HRH1: variants seen among roughly 807,000 people sequenced by gnomAD.
The protein encoded by HRH1 is histamine receptor H1.
A neutral mutation model predicts 10.3 loss-of-function variants in HRH1; 6 were observed. The ratio of observed to expected loss-of-function variants is 0.58; its 90% confidence interval spans 0.32 to 1.15. The LOEUF (loss-of-function observed/expected upper bound fraction) is 1.15. Ranked by LOEUF, HRH1 falls within the 50% of genes most tolerant of loss-of-function variation. HRH1 has a pLI of 0.05. For missense variants in HRH1, 514 were observed against 615.3 expected (o/e 0.84, Z 1.74); for synonymous variants, 242 against 236.7 (o/e 1.02, Z -0.21).
chr3:11,138,857 T>A (rs1270320551), intron 1 of HRH1, among the ~76,000 whole-genome samples: 2 of 151,946 alleles, frequency 1.3e-5, no homozygotes, highest in Non-Finnish European at 2.9e-5. Context: ...TCATTTTTTA[T>A]AGAGACAGGG....
chr3:11,205,498 C>A (rs1272669104), intron 1 of HRH1, among the ~76,000 whole-genome samples: 2 of 152,094 alleles, frequency 1.3e-5, no homozygotes, highest in East Asian at 3.9e-4. Flanking sequence ...ACTGGGATAA[C>A]AACATCAACT....
In HRH1 at chr3:11,259,054, C is replaced by T. The variant is rs1939860615; in HGVS notation, c.17C>T (p.Ser6Phe). ...CTTGCGCCAATGAGCCTCCCCAATT[C>T]CTCCTGCCTCTTAGAAGACAAGATG... MSLPN[S>F]SCLLEDKMCE... Residue 6 changes from serine (S) to phenylalanine (F), a missense_variant, in exon 2 of 2, where the codon TCC becomes TTC. Coordinates refer to ENST00000431010, the MANE Select transcript of HRH1 (RefSeq NM_001098212.2). The surrounding 1 kb of genome is among the most constrained non-coding windows in gnomAD (Gnocchi z 4.6). The T allele has an allele frequency of 6.2e-7, 1 of 1,601,186 alleles. No individual in the cohort carries two copies.
rs186177021 is a variant in HRH1 at position 11,158,308 on chromosome 3, G to T, written c.-36+3754G>T. ...AAAATACTAGTTGTAAGAATCTCCT[G>T]TATTTATACAGCACTCTGCAAAGTG... On this transcript the variant is annotated intron_variant, in intron 1 of 1. Coordinates refer to ENST00000431010, the MANE Select transcript of HRH1 (RefSeq NM_001098212.2). Among the ~76,000 whole-genome samples the T allele has an allele frequency of 1.6e-3, 250 of 152,310 alleles. 1 individual carries two copies. Among genetic ancestry groups the T allele is most frequent in the South Asian group, 6.0e-3 (29 of 4,822 alleles).
intron 1 of HRH1, among the ~76,000 whole-genome samples, chr3:11,190,209 G>A (rs1300237133): frequency 6.6e-6 from 1 of 151,582 alleles, no homozygotes; most frequent in Non-Finnish European, 1.5e-5. Flanking sequence ...GGGAATGTAA[G>A]TACCTAAAGA....
chr3:11,247,323 G>GGCCCGTCTCCCTCTCCCGTCTCC (rs1939516144), intron 1 of HRH1, among the ~76,000 whole-genome samples: 1 of 152,198 alleles, frequency 6.6e-6, no homozygotes, highest in Admixed American at 6.5e-5. Flanking sequence ...CCTCAGCAAG[G>GGCCCGTCTCCCTCTCCCGTCTCC]CAAATTTCCT....
chr3:11,234,006 G>A (rs1939108772), intron 1 of HRH1, among the ~76,000 whole-genome samples: 1 of 152,152 alleles, frequency 6.6e-6, no homozygotes, highest in African/African-American at 2.4e-5. Context: ...AAAATTCAGG[G>A]CAATCTGAGA....
chr3:11,183,879 T>A (rs947788027), intron 1 of HRH1, among the ~76,000 whole-genome samples: 41 of 137,572 alleles, frequency 3.0e-4, no homozygotes, highest in African/African-American at 1.0e-3. Context: ...TTTTTTTTTT[T>A]AAAGCACTGG....
intron 1 of HRH1, among the ~76,000 whole-genome samples, chr3:11,178,007 CTG>C (rs1937279250): frequency 6.6e-6 from 1 of 152,198 alleles, no homozygotes; most frequent in Admixed American, 6.5e-5. Context: ...GCCATCATCT[CTG>C]TTATCTGGGT....
intron 1 of HRH1, among the ~76,000 whole-genome samples, chr3:11,155,636 G>C (rs908586873): frequency 6.6e-6 from 1 of 152,206 alleles, no homozygotes; most frequent in African/African-American, 2.4e-5. Context: ...ACAAGACGAG[G>C]CAGGCTGGGA....
chr3:11,140,787 C>T (rs189215447), intron 1 of HRH1, among the ~76,000 whole-genome samples: 18 of 152,134 alleles, frequency 1.2e-4, no homozygotes, highest in Admixed American at 7.9e-4. Flanking sequence ...TACAGGGCCA[C>T]GCTTACCTGC....
In HRH1 at chr3:11,236,398, C is replaced by T. The variant is rs376710527; in HGVS notation, c.-35-22605C>T. Among the ~76,000 whole-genome samples, 567 of 152,200 alleles carry T rather than the reference C, an allele frequency of 3.7e-3. 3 individuals are homozygous for T. Among genetic ancestry groups the T allele is most frequent in the African/African-American group, 0.013 (545 of 41,542 alleles). On this transcript the variant is annotated intron_variant, in intron 1 of 1. Transcript: ENST00000431010. ...GAGCTGAGATCGTGCCATTGCACTC[C>T]AGTCTGGGAGACAGAGCGAGACTCC...
intron 1 of HRH1, among the ~76,000 whole-genome samples, chr3:11,146,627 T>C (rs2124996401): frequency 6.6e-6 from 1 of 152,266 alleles, no homozygotes; most frequent in Admixed American, 6.5e-5. Context: ...TTGAACCTGC[T>C]CCTTCTCTAG....
intron 1 of HRH1, among the ~76,000 whole-genome samples, chr3:11,202,510 T>TTA (rs1161209061): frequency 5.9e-5 from 9 of 152,246 alleles, no homozygotes; most frequent in Middle Eastern, 3.4e-3. Flanking sequence ...TCTTCCAGCT[T>TTA]TTAGCATCCT....
intron 1 of HRH1, among the ~76,000 whole-genome samples, chr3:11,155,943 T>C (rs1469722204): frequency 6.6e-6 from 1 of 152,156 alleles, no homozygotes; most frequent in Non-Finnish European, 1.5e-5. Context: ...GGTTAAGTAA[T>C]TTGCTTGAGA....
chr3:11,164,057 T>C (rs1559257059), intron 1 of HRH1, among the ~76,000 whole-genome samples: 1 of 151,992 alleles, frequency 6.6e-6, no homozygotes, highest in Non-Finnish European at 1.5e-5. Flanking sequence ...GAGATACTTG[T>C]TGAATGAATG....
chr3:11,256,238 A>C (rs941593856), intron 1 of HRH1, among the ~76,000 whole-genome samples: 1 of 152,108 alleles, frequency 6.6e-6, no homozygotes, highest in Non-Finnish European at 1.5e-5. Flanking sequence ...GATTGCTCTG[A>C]TTGGCACCTC....
At chr3:11,208,758 T>C (rs1429909384) in intron 1 of HRH1, among the ~76,000 whole-genome samples, 4 of 152,252 alleles carry the variant, frequency 2.6e-5, no homozygotes, top group African/African-American at 7.2e-5. Context: ...CCCGGTGTTC[T>C]TGTGTGCTAA....
intron 1 of HRH1, among the ~76,000 whole-genome samples, chr3:11,184,665 C>G (rs1217733758): frequency 6.6e-6 from 1 of 152,066 alleles, no homozygotes; most frequent in African/African-American, 2.4e-5. Flanking sequence ...ACCTGTAATC[C>G]AATAGTTTGG....
chr3:11,166,342 A>C (rs1937029309), intron 1 of HRH1, among the ~76,000 whole-genome samples: 1 of 152,228 alleles, frequency 6.6e-6, no homozygotes. Flanking sequence ...CGGTCCATGC[A>C]CATACCAAAT....
Sources: gnomAD v4.1 joint callset for allele counts (sites outside exome capture counted in the v4.1 genomes callset) on GRCh38, gnomAD v4.1.1 for gene constraint, Gnocchi (gnomAD v3.1) non-coding constraint, MANE v1.5 for transcripts, NCBI Gene and HGNC (gene_info 2026-07-23, HGNC 2026-07-21) for gene names.